The following SLC9A9 variants were observed in gnomAD, a reference collection of about 807,000 sequenced individuals.
SLC9A9 encodes sodium/hydrogen exchanger 9.
A neutral mutation model predicts 77.8 loss-of-function variants in SLC9A9; 62 were observed. That is an observed-to-expected ratio of 0.80 (90% CI 0.65 to 0.98). SLC9A9 has a LOEUF of 0.98. Ranked by LOEUF, SLC9A9 falls within the 50% of genes least tolerant of loss-of-function variation. SLC9A9 has a pLI of 0.00. For synonymous variants in SLC9A9, 320 were observed against 283.5 expected, an observed-to-expected ratio of 1.13 and a Z score of -1.29; for missense variants, 775 against 774.9, an observed-to-expected ratio of 1.00 and a Z score of 0.00.
At chr3:143,707,162 C>T (rs781554466) in intron 4 of SLC9A9, among the ~76,000 whole-genome samples, 7 of 152,224 alleles carry the variant, frequency 4.6e-5, no homozygotes, top group African/African-American at 1.7e-4. Flanking sequence ...TCTCCTTTTC[C>T]CTGGCCTCTA....
intron 12 of SLC9A9, among the ~76,000 whole-genome samples, chr3:143,462,515 T>C (rs1236650493): frequency 6.6e-6 from 1 of 152,086 alleles, no homozygotes; most frequent in African/African-American, 2.4e-5. Context: ...CTGAATAGGG[T>C]TGGGAGATGA....
At chr3:143,319,725 T>C (rs1576422218) in intron 14 of SLC9A9, among the ~76,000 whole-genome samples, 1 of 152,208 alleles carries the variant, frequency 6.6e-6, no homozygotes, top group African/African-American at 2.4e-5. Flanking sequence ...ATAGACATAC[T>C]GGGGAGAAAC....
intron 2 of SLC9A9, among the ~76,000 whole-genome samples, chr3:143,824,559 G>A (rs1246503489): frequency 2.0e-5 from 3 of 152,178 alleles, no homozygotes; most frequent in Non-Finnish European, 4.4e-5. Flanking sequence ...GATTACAAAT[G>A]CTTGTGCTGA....
chr3:143,564,163 G>A (rs746139979), intron 8 of SLC9A9, among the ~76,000 whole-genome samples: 2 of 152,144 alleles, frequency 1.3e-5, no homozygotes, highest in African/African-American at 2.4e-5. Flanking sequence ...GGCAGGGTCC[G>A]TTGTCTTCTA....
chr3:143,446,741 G>C (rs938303838), intron 12 of SLC9A9, among the ~76,000 whole-genome samples: 1 of 152,186 alleles, frequency 6.6e-6, no homozygotes, highest in African/African-American at 2.4e-5. Context: ...GGGGCAGGAG[G>C]CTGCTGATGG....
chr3:143,815,569 C>T (rs569644631), intron 2 of SLC9A9, among the ~76,000 whole-genome samples: 1 of 151,710 alleles, frequency 6.6e-6, no homozygotes, highest in South Asian at 2.1e-4. Context: ...AGGTTTAAAA[C>T]CCTGACCTAA....
chr3:143,279,570 C>T (rs755984080), intron 14 of SLC9A9, among the ~76,000 whole-genome samples: 22 of 152,148 alleles, frequency 1.4e-4, no homozygotes, highest in Admixed American at 2.0e-4. Context: ...CCTAAATCCC[C>T]CACCACTCAA....
chr3:143,269,489 A>G (rs1015970531), intron 14 of SLC9A9, among the ~76,000 whole-genome samples: 4 of 152,332 alleles, frequency 2.6e-5, no homozygotes, highest in African/African-American at 7.2e-5. Context: ...AACTTCATAC[A>G]TCAATGGATT....
intron 12 of SLC9A9, among the ~76,000 whole-genome samples, chr3:143,431,638 T>C (rs922943598): frequency 3.9e-5 from 6 of 151,966 alleles, no homozygotes; most frequent in South Asian, 2.1e-4. Flanking sequence ...CCCGCCACCA[T>C]GCCCGGCTAA....
At chr3:143,385,444 T>C (rs993950999) in intron 12 of SLC9A9, among the ~76,000 whole-genome samples, 11 of 152,204 alleles carry the variant, frequency 7.2e-5, no homozygotes, top group Admixed American at 1.3e-4. Flanking sequence ...TAAGCTGACA[T>C]AGACATGCAT....
chr3:143,357,762 G>C lies in SLC9A9; in HGVS notation c.1604+5722C>G, dbSNP rs931993230. Among the ~76,000 whole-genome samples the C allele has an allele frequency of 5.9e-5, 9 of 152,006 alleles. 1 individual carries two copies. The highest frequency in any genetic ancestry group is 2.2e-4 in the African/African-American group (9 of 41,372). ...TCAGTTGCCTCATTTATAAAACTGG[G>C]ATCACAGAACTAACACTCTTTGTTC... On this transcript the variant is annotated intron_variant, in intron 14 of 15. Coordinates refer to ENST00000316549, the MANE Select transcript of SLC9A9 (RefSeq NM_173653.4).
intron 4 of SLC9A9, among the ~76,000 whole-genome samples, chr3:143,783,959 T>G (rs1262882944): frequency 6.6e-6 from 1 of 152,196 alleles, no homozygotes; most frequent in East Asian, 1.9e-4. Context: ...CAAAGCTCTA[T>G]CCTTTCCCAA....
intron 12 of SLC9A9, among the ~76,000 whole-genome samples, chr3:143,395,199 T>C (rs1315038125): frequency 1.3e-5 from 2 of 152,146 alleles, no homozygotes; most frequent in African/African-American, 4.8e-5. Context: ...CTTCAAACTA[T>C]ACTATAAGGC....
chr3:143,606,268 G>T (rs1055717154), intron 6 of SLC9A9, among the ~76,000 whole-genome samples: 1 of 151,676 alleles, frequency 6.6e-6, no homozygotes, highest in African/African-American at 2.4e-5. Context: ...AGCCAGGCAT[G>T]GTGGCAGGCG....
chr3:143,740,502 T>C (rs1232770677), intron 4 of SLC9A9, among the ~76,000 whole-genome samples: 1 of 152,200 alleles, frequency 6.6e-6, no homozygotes, highest in Non-Finnish European at 1.5e-5. Context: ...AAATCATAGT[T>C]CAGTAGGCTA....
intron 11 of SLC9A9, among the ~76,000 whole-genome samples, chr3:143,475,141 T>C (rs1198116835): frequency 1.3e-5 from 2 of 150,754 alleles, no homozygotes; most frequent in African/African-American, 2.4e-5. Flanking sequence ...TTTTTTTTTT[T>C]GTATTTTAGT....
intron 8 of SLC9A9, among the ~76,000 whole-genome samples, chr3:143,556,610 T>C (rs899110072): frequency 6.6e-6 from 1 of 152,198 alleles, no homozygotes; most frequent in Non-Finnish European, 1.5e-5. Flanking sequence ...CCTTTACTTT[T>C]CCTACTCCTA....
Position 143,672,568 on chromosome 3 carries a change from C to G in SLC9A9, c.650-20208G>C, listed in dbSNP as rs1442664491. Among the ~76,000 whole-genome samples the G allele has an allele frequency of 3.3e-5, 5 of 152,098 alleles. No individual in the cohort carries two copies. The East Asian group carries it at 5.8e-4, about 18-fold the overall frequency. On this transcript the variant is annotated intron_variant, in intron 5 of 15. Transcript: ENST00000316549. ...CACGATGAATGAAAAATATGAGAGA[C>G]AGCCCAATTAAGTCATCCTTACTGA...
intron 9 of SLC9A9, among the ~76,000 whole-genome samples, chr3:143,512,018 C>A (rs1013838313): frequency 6.6e-6 from 1 of 152,184 alleles, no homozygotes; most frequent in Admixed American, 6.5e-5. Flanking sequence ...ATTTCTCAAA[C>A]AACATGTATG....
Sources: allele counts gnomAD v4.1 joint callset (sites outside exome capture counted in the v4.1 genomes callset), GRCh38; gene constraint gnomAD v4.1.1; transcripts MANE v1.5; gene names NCBI Gene and HGNC (gene_info 2026-07-23, HGNC 2026-07-21).